The following SAMD3 variants were observed in gnomAD, a reference collection of about 807,000 sequenced individuals.
SAMD3 encodes sterile alpha motif domain containing 3.
Under a neutral mutation model 58.5 loss-of-function variants are expected in SAMD3, and 63 were observed. That is an observed-to-expected ratio of 1.08 (90% CI 0.88 to 1.33). SAMD3 has a LOEUF of 1.33. Ranked by LOEUF, SAMD3 falls within the 40% of genes most tolerant of loss-of-function variation. The probability of loss-of-function intolerance (pLI) is 0.00; values close to 1 mark genes in which losing one functional copy is unlikely to be tolerated. For synonymous variants in SAMD3, 220 were observed against 210.3 expected, an observed-to-expected ratio of 1.05 and a Z score of -0.40; for missense variants, 604 against 608.4, an observed-to-expected ratio of 0.99 and a Z score of 0.08.
At chr6:130,325,377 T>G (rs916076300) in intron 1 of SAMD3, among the ~76,000 whole-genome samples, 1 of 152,182 alleles carries the variant, frequency 6.6e-6, no homozygotes, top group Non-Finnish European at 1.5e-5. Context: ...CCTGGAGGTC[T>G]GATGTCCAAG....
chr6:130,242,849 A>C (rs1773410570), intron 2 of SAMD3, among the ~76,000 whole-genome samples: 1 of 152,206 alleles, frequency 6.6e-6, no homozygotes, highest in East Asian at 1.9e-4. Flanking sequence ...CTGGTGGCTG[A>C]GCCGGCATCC....
intron 2 of SAMD3, among the ~76,000 whole-genome samples, chr6:130,280,855 T>C (rs1046324665): frequency 3.3e-5 from 5 of 152,318 alleles, no homozygotes; most frequent in East Asian, 1.9e-4. Flanking sequence ...ATATGTGTAA[T>C]ATATACTTCA....
intron 1 of SAMD3, among the ~76,000 whole-genome samples, chr6:130,318,577 C>A (rs545179574): frequency 6.8e-6 from 1 of 146,344 alleles, no homozygotes; most frequent in Non-Finnish European, 1.5e-5. Flanking sequence ...TACAGGCACA[C>A]GCCACCATGC....
At chr6:130,167,285 G>A (rs531345699) in intron 8 of SAMD3, among the ~76,000 whole-genome samples, 1 of 152,112 alleles carries the variant, frequency 6.6e-6, no homozygotes, top group Non-Finnish European at 1.5e-5. Context: ...AAATACATAT[G>A]AAACGCTTTA....
chr6:130,182,122 A>C (rs1582823864), intron 7 of SAMD3, among the ~76,000 whole-genome samples: 1 of 152,140 alleles, frequency 6.6e-6, no homozygotes, highest in East Asian at 1.9e-4. Context: ...CTGATTAGAC[A>C]TTAAGTTGGT....
intron 2 of SAMD3, among the ~76,000 whole-genome samples, chr6:130,231,260 A>G (rs1475553118): frequency 6.6e-6 from 1 of 152,102 alleles, no homozygotes; most frequent in African/African-American, 2.4e-5. Context: ...ATGTTATTCA[A>G]CTTTCTAAAA....
intron 1 of SAMD3, among the ~76,000 whole-genome samples, chr6:130,342,282 A>C (rs1007112621): frequency 6.6e-6 from 1 of 152,226 alleles, no homozygotes; most frequent in Admixed American, 6.5e-5. Context: ...TGTTGCTTAC[A>C]AACCCCAGAA....
At chr6:130,303,497 C>T (rs1775819005) in intron 2 of SAMD3, among the ~76,000 whole-genome samples, 1 of 152,152 alleles carries the variant, frequency 6.6e-6, no homozygotes, top group Admixed American at 6.5e-5. Context: ...TCTCCCAGGC[C>T]TTTCCATGAA....
At chr6:130,157,784 G>A (rs990668907) in intron 8 of SAMD3, among the ~76,000 whole-genome samples, 12 of 152,048 alleles carry the variant, frequency 7.9e-5, no homozygotes, top group Admixed American at 3.3e-4. Context: ...AGATAGAAAC[G>A]AAATTGTCAA....
intron 2 of SAMD3, among the ~76,000 whole-genome samples, chr6:130,240,383 A>G (rs1773314201): frequency 6.6e-6 from 1 of 152,230 alleles, no homozygotes; most frequent in Non-Finnish European, 1.5e-5. Flanking sequence ...AATAAGCTGT[A>G]ATGCTCAGAG....
At chr6:130,155,714 G>A (rs956410658) in intron 8 of SAMD3, among the ~76,000 whole-genome samples, 11 of 152,132 alleles carry the variant, frequency 7.2e-5, no homozygotes, top group African/African-American at 2.7e-4. Context: ...TGACCAGAAT[G>A]TGAACAGATG....
At chr6:130,335,285 C>A (rs1243145084) in intron 1 of SAMD3, among the ~76,000 whole-genome samples, 1 of 152,192 alleles carries the variant, frequency 6.6e-6, no homozygotes, top group Non-Finnish European at 1.5e-5. Flanking sequence ...CTGATCCCAA[C>A]CAACACTAAC....
intron 2 of SAMD3, among the ~76,000 whole-genome samples, chr6:130,253,123 C>T (rs1014053585): frequency 3.3e-5 from 5 of 152,124 alleles, no homozygotes; most frequent in Non-Finnish European, 7.4e-5. Context: ...TTAGCAATTG[C>T]GCAGGAGATG....
At chr6:130,189,828 CAG>C (rs1304272046) in intron 5 of SAMD3, among the ~76,000 whole-genome samples, 2 of 152,158 alleles carry the variant, frequency 1.3e-5, no homozygotes, top group Non-Finnish European at 2.9e-5. Context: ...ATGTGAAAAA[CAG>C]AATGCAGGTT....
intron 2 of SAMD3, among the ~76,000 whole-genome samples, chr6:130,297,069 T>C (rs62433890): frequency 0.17 from 25,667 of 152,184 alleles, 2,425 homozygotes; most frequent in East Asian, 0.36. Flanking sequence ...ATCTATTGGA[T>C]TGCAGCCTGA....
intron 1 of SAMD3, among the ~76,000 whole-genome samples, chr6:130,357,170 G>C (rs1460817498): frequency 7.3e-6 from 1 of 137,248 alleles, no homozygotes; most frequent in Non-Finnish European, 1.5e-5. Context: ...TGTCACCCAG[G>C]CTGGAGTGCA....
chr6:130,158,505 CTTAAGAAGT>C (rs1330369955), intron 8 of SAMD3, among the ~76,000 whole-genome samples: 5 of 151,900 alleles, frequency 3.3e-5, no homozygotes, highest in African/African-American at 1.2e-4. Context: ...TCCCATATGG[CTTAAGAAGT>C]TAAATTTTAA....
At chr6:130,206,166 T>G (rs1221808975) in intron 5 of SAMD3, among the ~76,000 whole-genome samples, 1 of 152,180 alleles carries the variant, frequency 6.6e-6, no homozygotes, top group Non-Finnish European at 1.5e-5. Flanking sequence ...CACAAGTGAT[T>G]GCCCAGGAGG....
intron 2 of SAMD3, among the ~76,000 whole-genome samples, chr6:130,283,053 C>A (rs1357673239): frequency 1.4e-5 from 2 of 146,966 alleles, no homozygotes; most frequent in African/African-American, 2.5e-5. Flanking sequence ...GAATTTAAAT[C>A]CTAAGGAAAA....
Sources: gnomAD v4.1 joint callset for allele counts (sites outside exome capture counted in the v4.1 genomes callset) on GRCh38, gnomAD v4.1.1 for gene constraint, MANE v1.5 for transcripts, NCBI Gene and HGNC (gene_info 2026-07-23, HGNC 2026-07-21) for gene names.